Variants in TEX11 observed in about 807,000 individuals in gnomAD.
The protein encoded by TEX11 is testis expressed 11.
Under a neutral mutation model 84.4 loss-of-function variants are expected in TEX11, and 7 were observed. The ratio of observed to expected loss-of-function variants is 0.08; its 90% CI spans 0.05 to 0.16. The LOEUF is 0.16. Among genes scored for constraint, TEX11 ranks in the 10% least tolerant of loss-of-function variants. TEX11 has a pLI of 1.00. For synonymous variants in TEX11, 264 were observed against 222.8 expected, an observed-to-expected ratio of 1.18 and a Z score of -1.64; for missense variants, 551 against 660.5, an observed-to-expected ratio of 0.83 and a Z score of 1.82.
At chrX:70,666,509 G>A (rs965920657) in intron 16 of TEX11, among the ~76,000 whole-genome samples, 1 of 111,577 alleles carries the variant, frequency 9.0e-6, no homozygotes, top group African/African-American at 3.3e-5. Context: ...TATGTCTCCT[G>A]GCATGAGTCT....
At chrX:70,892,122 C>T (rs912956455) in intron 2 of TEX11, among the ~76,000 whole-genome samples, 1 of 110,923 alleles carries the variant, frequency 9.0e-6, no homozygotes, top group Non-Finnish European at 1.9e-5. Flanking sequence ...AATTTCATAT[C>T]CAGCCAAAAT....
intron 8 of TEX11, among the ~76,000 whole-genome samples, chrX:70,810,779 A>T (rs892342908): frequency 1.8e-5 from 2 of 110,612 alleles, no homozygotes; most frequent in African/African-American, 6.6e-5. Flanking sequence ...TTATCCCAGA[A>T]CTTAAAGTAT....
chrX:70,647,671 AAT>A (rs75669395), intron 17 of TEX11, among the ~76,000 whole-genome samples: 48 of 81,927 alleles, frequency 5.9e-4, no homozygotes, highest in Non-Finnish European at 5.4e-4. Flanking sequence ...GCTTCAAAAA[AAT>A]AAAAAATAAA....
chrX:70,556,526 A>T (rs374292122), intron 25 of TEX11, among the ~76,000 whole-genome samples: 7 of 111,458 alleles, frequency 6.3e-5, no homozygotes, highest in African/African-American at 2.3e-4. Context: ...AAATTTTTTG[A>T]AGTTTGTTTC....
chrX:70,631,816 G>A (rs964829736), intron 17 of TEX11, among the ~76,000 whole-genome samples: 2 of 68,475 alleles, frequency 2.9e-5, no homozygotes, highest in African/African-American at 1.1e-4. Flanking sequence ...ACTGTGTGTT[G>A]TGGAAATACT....
chrX:70,898,204 G>C (rs1269705390), intron 2 of TEX11, among the ~76,000 whole-genome samples: 1 of 111,261 alleles, frequency 9.0e-6, no homozygotes, highest in African/African-American at 3.3e-5. Flanking sequence ...GTAGGATGAA[G>C]GGAAAAAATT....
intron 8 of TEX11, among the ~76,000 whole-genome samples, chrX:70,823,188 T>C (rs902269896): frequency 4.5e-5 from 5 of 111,312 alleles, no homozygotes; most frequent in Non-Finnish European, 7.5e-5. Flanking sequence ...ATATGTAAAA[T>C]GAAAAGAGTC....
At chrX:70,747,670 C>T (rs189338911) in intron 9 of TEX11, among the ~76,000 whole-genome samples, 13 of 111,291 alleles carry the variant, frequency 1.2e-4, no homozygotes, top group South Asian at 3.7e-4. Flanking sequence ...TTTTTAAAAT[C>T]GTGTTTAAAA....
chrX:70,897,038 A>G (rs12558906), intron 2 of TEX11, among the ~76,000 whole-genome samples: 38,670 of 103,954 alleles, frequency 0.37, 6,843 homozygotes, highest in East Asian at 0.56. Flanking sequence ...AGGCTGAGGC[A>G]AGAGGATCGC....
intron 4 of TEX11, 73 bp downstream of exon 4, chrX:70,873,150 T>G: frequency 1.6e-6 from 1 of 628,210 alleles, no homozygotes; most frequent in Non-Finnish European, 2.6e-6. Context: ...AAACATTATT[T>G]AAACTGCAGG....
At chrX:70,540,836 T>G (rs1356660521) in intron 28 of TEX11, among the ~76,000 whole-genome samples, 1 of 111,985 alleles carries the variant, frequency 8.9e-6, no homozygotes, top group African/African-American at 3.2e-5. Flanking sequence ...CTCTGGGTAC[T>G]TCATATAAAT....
At chrX:70,645,606 T>C (rs1286274598) in intron 17 of TEX11, among the ~76,000 whole-genome samples, 1 of 111,433 alleles carries the variant, frequency 9.0e-6, no homozygotes, top group Non-Finnish European at 1.9e-5. Context: ...ACAAAATCAA[T>C]ATACACAAAG....
intron 17 of TEX11, among the ~76,000 whole-genome samples, chrX:70,630,433 T>C (rs776883809): frequency 1.3e-4 from 14 of 110,746 alleles, no homozygotes; most frequent in Non-Finnish European, 2.3e-4. Context: ...AATAAAAAAT[T>C]GAGTAGCTGT....
intron 20 of TEX11, among the ~76,000 whole-genome samples, chrX:70,621,242 G>A (rs1246204596): frequency 1.9e-5 from 2 of 107,600 alleles, no homozygotes; most frequent in Non-Finnish European, 3.8e-5. Flanking sequence ...AAATATTAGG[G>A]TCGGGCACGG....
chrX:70,528,876 T>C (rs957794160), downstream of TEX11: 2 of 408,188 alleles, frequency 4.9e-6, no homozygotes, highest in African/African-American at 5.0e-5. Context: ...ATGGTCTATT[T>C]CAATATCATC....
At chrX:70,607,967 C>T (rs1043679210) in intron 22 of TEX11, among the ~76,000 whole-genome samples, 1 of 112,340 alleles carries the variant, frequency 8.9e-6, no homozygotes, top group African/African-American at 3.2e-5. Context: ...GATTAAAGCC[C>T]TATTAAACCT....
chrX:70,637,614 A>T (rs779651378), intron 17 of TEX11, among the ~76,000 whole-genome samples: 4 of 112,237 alleles, frequency 3.6e-5, no homozygotes, highest in East Asian at 5.6e-4. Context: ...CTTTGCAGGG[A>T]CATAGATGGA....
At chrX:70,712,858 T>C (rs938626085) in intron 13 of TEX11, among the ~76,000 whole-genome samples, 3 of 111,623 alleles carry the variant, frequency 2.7e-5, no homozygotes, top group Non-Finnish European at 5.6e-5. Flanking sequence ...AGGGCATCCC[T>C]GTCTTGTGCC....
chrX:70,824,598 G>A (rs2091335075), intron 8 of TEX11, among the ~76,000 whole-genome samples: 3 of 110,759 alleles, frequency 2.7e-5, no homozygotes, highest in Non-Finnish European at 5.7e-5. Flanking sequence ...TGCAACTGCA[G>A]ATTATGGATA....
Sources: gnomAD v4.1 joint callset for allele counts (sites outside exome capture counted in the v4.1 genomes callset) on GRCh38, gnomAD v4.1.1 for gene constraint, MANE v1.5 for transcripts, NCBI Gene and HGNC (gene_info 2026-07-23, HGNC 2026-07-21) for gene names.